Variants in SPATA17 observed in about 807,000 individuals in gnomAD.
SPATA17 encodes spermatogenesis associated 17, also known as spermatogenesis-associated protein 17.
A neutral mutation model predicts 62.2 loss-of-function variants in SPATA17; 53 were observed. The observed-to-expected ratio is 0.85, with a 90% confidence interval of 0.68 to 1.07. The LOEUF is 1.07. SPATA17 is among the 50% of genes least tolerant of loss of function. The pLI is 0.00. For synonymous variants in SPATA17, 146 were observed against 146.8 expected, an observed-to-expected ratio of 0.99 and a Z score of 0.04; for missense variants, 466 against 425.5, an observed-to-expected ratio of 1.10 and a Z score of -0.84.
chr1:217,824,556 G>GT (rs1026814401), intron 9 of SPATA17, among the ~76,000 whole-genome samples: 13 of 150,432 alleles, frequency 8.6e-5, no homozygotes, highest in African/African-American at 2.7e-4. Flanking sequence ...GATTTCTTTG[G>GT]TTTTCTCTAT....
intron 4 of SPATA17, among the ~76,000 whole-genome samples, chr1:217,679,732 T>C (rs1434002709): frequency 6.6e-6 from 1 of 152,204 alleles, no homozygotes; most frequent in Non-Finnish European, 1.5e-5. Context: ...GCATACCAGT[T>C]GTAGTCTCTC....
intron 2 of SPATA17, among the ~76,000 whole-genome samples, chr1:217,650,760 A>C (rs993845851): frequency 1.3e-5 from 2 of 152,206 alleles, no homozygotes; most frequent in African/African-American, 4.8e-5. Flanking sequence ...AATGATTTAC[A>C]TCAATAGTGC....
intron 5 of SPATA17, among the ~76,000 whole-genome samples, chr1:217,719,750 C>T (rs761456232): frequency 6.6e-6 from 1 of 152,114 alleles, no homozygotes; most frequent in Non-Finnish European, 1.5e-5. Context: ...CACCTCTAGG[C>T]CCATGGGAGA....
intron 6 of SPATA17, among the ~76,000 whole-genome samples, chr1:217,760,060 A>T (rs1406613673): frequency 6.6e-6 from 1 of 152,232 alleles, no homozygotes; most frequent in Non-Finnish European, 1.5e-5. Flanking sequence ...GTACACCCAA[A>T]AATCCAGAGA....
chr1:217,728,702 A>G (rs1672328830), intron 5 of SPATA17, among the ~76,000 whole-genome samples: 1 of 152,170 alleles, frequency 6.6e-6, no homozygotes, highest in African/African-American at 2.4e-5. Flanking sequence ...TTGTAGGTTC[A>G]TTCAATAAAT....
chr1:217,784,605 T>C (rs1043645570), intron 8 of SPATA17, among the ~76,000 whole-genome samples: 1 of 152,102 alleles, frequency 6.6e-6, no homozygotes, highest in Admixed American at 6.6e-5. Context: ...CCTTAAAAGG[T>C]TGTAATGAGG....
At chr1:217,837,724 T>C (rs936825671) in intron 9 of SPATA17, among the ~76,000 whole-genome samples, 2 of 152,130 alleles carry the variant, frequency 1.3e-5, no homozygotes, top group African/African-American at 4.8e-5. Flanking sequence ...AGTCTTACAT[T>C]ATCTTCACTG....
intron 5 of SPATA17, among the ~76,000 whole-genome samples, chr1:217,696,243 G>A (rs146348522): frequency 0.056 from 8,536 of 152,272 alleles, 261 homozygotes; most frequent in Middle Eastern, 0.071. Context: ...TCGGGTGGGA[G>A]TGACCCGATT....
chr1:217,675,738 G>A (rs73093557), intron 4 of SPATA17, among the ~76,000 whole-genome samples: 1,729 of 152,172 alleles, frequency 0.011, 31 homozygotes, highest in African/African-American at 0.034. Context: ...TGAGGTATAG[G>A]TATCATTAAG....
chr1:217,687,161 C>A (rs187406223), intron 5 of SPATA17, among the ~76,000 whole-genome samples: 29 of 152,206 alleles, frequency 1.9e-4, no homozygotes, highest in African/African-American at 6.7e-4. Context: ...CTCTTTACTG[C>A]TTTTTTAGTA....
At chr1:217,854,309 A>G (rs1675728692) in intron 9 of SPATA17, among the ~76,000 whole-genome samples, 1 of 152,168 alleles carries the variant, frequency 6.6e-6, no homozygotes, top group African/African-American at 2.4e-5. Flanking sequence ...TGAGGTTACA[A>G]ATAAATTTTA....
chr1:217,855,604 G>A (rs1353074050), intron 9 of SPATA17, among the ~76,000 whole-genome samples: 2 of 151,892 alleles, frequency 1.3e-5, no homozygotes, highest in African/African-American at 2.4e-5. Flanking sequence ...ACAATGAACT[G>A]GTCAAACAAG....
chr1:217,783,012 A>C (rs1424019933), intron 8 of SPATA17, among the ~76,000 whole-genome samples: 1 of 151,458 alleles, frequency 6.6e-6, no homozygotes, highest in Non-Finnish European at 1.5e-5. Context: ...TTTGCAATGT[A>C]TCTTATAATG....
chr1:217,770,497 A>G (rs1673411784), intron 6 of SPATA17, among the ~76,000 whole-genome samples: 1 of 152,150 alleles, frequency 6.6e-6, no homozygotes, highest in South Asian at 2.1e-4. Flanking sequence ...GGTGTACACT[A>G]TCCTGTGTCT....
intron 9 of SPATA17, among the ~76,000 whole-genome samples, chr1:217,861,031 C>A (rs1675887880): frequency 6.6e-6 from 1 of 152,038 alleles, no homozygotes; most frequent in Non-Finnish European, 1.5e-5. Flanking sequence ...TGACTAATCC[C>A]AGTCCACTTT....
At chr1:217,850,751 C>T in intron 9 of SPATA17, 1 of 682,188 alleles carries the variant, frequency 1.5e-6, no homozygotes, top group Non-Finnish European at 2.3e-6. Flanking sequence ...TTTATTCATA[C>T]ATATAGTTTT....
At chr1:217,856,131 A>C (rs1435675410) in intron 9 of SPATA17, among the ~76,000 whole-genome samples, 2 of 152,202 alleles carry the variant, frequency 1.3e-5, no homozygotes, top group African/African-American at 4.8e-5. Flanking sequence ...CATTGAAATA[A>C]AAGCAGGAAT....
chr1:217,769,989 G>A (rs1175378081), intron 6 of SPATA17, among the ~76,000 whole-genome samples: 1 of 152,142 alleles, frequency 6.6e-6, no homozygotes, highest in African/African-American at 2.4e-5. Context: ...TAAATCCTCT[G>A]GCAGTAGTAT....
Position 217,684,840 on chromosome 1 carries a change from C to T in SPATA17, c.395+1479C>T, listed in dbSNP as rs1671179472. Among the ~76,000 whole-genome samples the T allele has an allele frequency of 1.3e-5, 2 of 152,090 alleles. 1 individual carries two copies. The highest frequency in any genetic ancestry group is 1.3e-4 in the Admixed American group (2 of 15,258). ...AAGATATATATGAAAACTAATTTCC[C>T]AACTACTAACTTTCTCACATATGTT... On this transcript the variant is annotated intron_variant, in intron 5 of 10. Coordinates refer to ENST00000366933, the MANE Select transcript of SPATA17 (RefSeq NM_138796.4).
Sources: gnomAD v4.1 joint callset for allele counts (sites outside exome capture counted in the v4.1 genomes callset) on GRCh38, gnomAD v4.1.1 for gene constraint, MANE v1.5 for transcripts, NCBI Gene and HGNC (gene_info 2026-07-23, HGNC 2026-07-21) for gene names.